Variants in IYD observed in about 807,000 individuals in gnomAD.
IYD encodes iodotyrosine deiodinase 1.
Under a neutral mutation model 28.4 loss-of-function variants are expected in IYD, and 25 were observed. The observed-to-expected ratio is 0.88, with a 90% CI of 0.64 to 1.23. The LOEUF is 1.23. IYD is among the 50% of genes most tolerant of loss of function. The pLI, the probability that IYD is intolerant of heterozygous loss-of-function variation, is 0.00. For synonymous variants in IYD, 140 were observed against 130.8 expected (o/e 1.07, Z -0.48); for missense variants, 352 against 357.9 (o/e 0.98, Z 0.13).
intron 3 of IYD, 118 bp from the exon 4 acceptor site, chr6:150,393,981 A>C: frequency 9.3e-7 from 1 of 1,073,054 alleles, no homozygotes; most frequent in South Asian, 1.5e-5. Context: ...GCAGCTTTTC[A>C]ATTTAAATAT....
At chr6:150,372,543 T>TGA (rs1777297981) in intron 1 of IYD, among the ~76,000 whole-genome samples, 1 of 30,256 alleles carries the variant, frequency 3.3e-5, no homozygotes, top group African/African-American at 3.4e-4. Context: ...TCATGTTGTG[T>TGA]CCATGCTTAT....
At position 150,398,477 on chromosome 6, in the gene IYD, G is replaced by C. The variant is rs2076284; in HGVS notation, c.*240G>C. 4.0e-6 allele frequency: 2 copies of C among 503,342 alleles called. No homozygotes were observed. Among genetic ancestry groups the C allele is most frequent in the East Asian group, 3.2e-5 (1 of 31,432 alleles). The allele number at this position is 503,342 out of a possible 1,614,324, so 31.2% of individuals were successfully genotyped here. A position where few individuals can be genotyped will look rare whatever the true frequency, so the allele number is the denominator to read the frequency against. On this transcript the variant is annotated 3_prime_UTR_variant, in exon 5 of 5. Transcript: ENST00000344419. ...TGAACACTTTACAAAGAACATGCCC[G>C]GGTTTTTACATTTTAAAAGTTATTC...
chr6:150,404,544 G>C lies in IYD; in HGVS notation c.*6307G>C, dbSNP rs1778596268. The C allele has an allele frequency of 6.6e-6, 1 of 152,150 alleles. No homozygotes were observed. The highest frequency in any genetic ancestry group is 2.1e-4 in the South Asian group (1 of 4,834). 9.4% of individuals were successfully genotyped at this position (152,150 alleles called of 1,614,324 possible). A position where few individuals can be genotyped will look rare whatever the true frequency, so the allele number is the denominator to read the frequency against. Reference sequence around the variant, plus strand: ...TCTTGTCATATCAATGATTTGAAGTGCTAAAATAGAAAATTAAATATGATA... The same window carrying C: ...TCTTGTCATATCAATGATTTGAAGTCCTAAAATAGAAAATTAAATATGATA... On this transcript the variant is annotated 3_prime_UTR_variant, in exon 5 of 5. Coordinates refer to ENST00000344419, the MANE Select transcript of IYD (RefSeq NM_203395.3).
intron 4 of IYD, chr6:150,396,610 C>T (rs898884049): frequency 1.4e-5 from 8 of 562,446 alleles, no homozygotes; most frequent in African/African-American, 1.2e-4. Context: ...TGCGGTGGCT[C>T]ACGCCTCTAA....
chr6:150,383,815 CAAA>C (rs1173122063), intron 1 of IYD, among the ~76,000 whole-genome samples: 2 of 36,084 alleles, frequency 5.5e-5, no homozygotes, highest in African/African-American at 1.9e-4. Context: ...AAAACAAAAA[CAAA>C]AACAAAAAAA....
intron 2 of IYD, among the ~76,000 whole-genome samples, chr6:150,390,365 C>T (rs9384476): frequency 0.17 from 25,520 of 152,092 alleles, 4,436 homozygotes; most frequent in African/African-American, 0.43. Flanking sequence ...TATATGTATA[C>T]GTACACATAT....
intron 1 of IYD, among the ~76,000 whole-genome samples, chr6:150,372,490 T>A (rs370348679): frequency 1.8e-4 from 5 of 28,276 alleles, no homozygotes; most frequent in Non-Finnish European, 2.1e-4. Context: ...TCCATGCTTA[T>A]TAGACATGTG....
At position 150,388,632 on chromosome 6, in the gene IYD, T is replaced by TTTCTTTC. The variant is rs1205806070; in HGVS notation, c.179-717_179-711dup. On this transcript the variant is annotated intron_variant, in intron 1 of 4. Transcript: ENST00000344419. ...TAGATTTATAGTCTGGAGTTTTTGC[T>TTTCTTTC]TTCTTTCTTTCTTTCTTTCTTTCTT... Among the ~76,000 whole-genome samples, 428 of 45,568 alleles carry TTTCTTTC rather than the reference T, an allele frequency of 9.4e-3. 1 individual carries two copies. The highest frequency in any genetic ancestry group is 0.021 in the African/African-American group (414 of 19,562). 29.9% of individuals were successfully genotyped at this position (45,568 alleles called of 152,430 possible).
At chr6:150,375,180 G>C (rs987481250) in intron 1 of IYD, among the ~76,000 whole-genome samples, 1 of 152,168 alleles carries the variant, frequency 6.6e-6, no homozygotes, top group Non-Finnish European at 1.5e-5. Flanking sequence ...TTGCAACAGA[G>C]AAAGAGGTTT....
chr6:150,387,520 C>T (rs1253882179), intron 1 of IYD, among the ~76,000 whole-genome samples: 1 of 150,804 alleles, frequency 6.6e-6, no homozygotes, highest in Admixed American at 6.6e-5. Flanking sequence ...CAGATGCTAT[C>T]TTTTCAAATA....
intron 1 of IYD, among the ~76,000 whole-genome samples, chr6:150,382,172 T>C (rs1489693419): frequency 6.6e-6 from 1 of 152,120 alleles, no homozygotes; most frequent in Non-Finnish European, 1.5e-5. Context: ...ATCTAATGAC[T>C]GATTGCAGTG....
chr6:150,396,288 G>C, intron 4 of IYD: 1 of 417,622 alleles, frequency 2.4e-6, no homozygotes, highest in Non-Finnish European at 4.2e-6. Context: ...CAAGTTCATG[G>C]ACCTGCTAAA....
intron 3 of IYD, 26 bp from the exon 4 acceptor site, chr6:150,394,073 A>G: frequency 1.9e-6 from 3 of 1,612,166 alleles, no homozygotes; most frequent in Non-Finnish European, 2.5e-6. Context: ...GGCAAATATT[A>G]TCCTGAATCT....
At chr6:150,397,050 C>T (rs7762616) in intron 4 of IYD, among the ~76,000 whole-genome samples, 25,991 of 151,802 alleles carry the variant, frequency 0.17, 4,524 homozygotes, top group African/African-American at 0.43. Flanking sequence ...GTGAAATCTT[C>T]GTTAATCAAG....
rs149221869 is a variant in IYD, at chr6:150,388,230, C to A, written c.179-1122C>A. ...AATAATTTACTTATGATTGACACTT[C>A]CCCTAAGGATGTAGTTTTGGGGTCC... On this transcript the variant is annotated intron_variant, in intron 1 of 4. Transcript: ENST00000344419. Among the ~76,000 whole-genome samples, 746 of 152,284 alleles carry A rather than the reference C, an allele frequency of 4.9e-3. 1 individual carries two copies. The highest frequency in any genetic ancestry group is 8.4e-3 in the Non-Finnish European group (573 of 68,022).
intron 4 of IYD, chr6:150,396,617 C>G (rs966489621): frequency 1.9e-4 from 97 of 518,594 alleles, no homozygotes; most frequent in East Asian, 5.6e-4. Flanking sequence ...GCTCACGCCT[C>G]TAATCCCAGC....
At chr6:150,379,248 G>A (rs1050501215) in intron 1 of IYD, among the ~76,000 whole-genome samples, 3 of 152,064 alleles carry the variant, frequency 2.0e-5, no homozygotes, top group South Asian at 2.1e-4. Flanking sequence ...CCAGTCTTTC[G>A]ATTTCTATTT....
intron 1 of IYD, among the ~76,000 whole-genome samples, chr6:150,373,777 C>T (rs566749780): frequency 8.5e-5 from 13 of 152,298 alleles, no homozygotes; most frequent in South Asian, 2.1e-4. Flanking sequence ...CTCAGAGAGT[C>T]GAGCTTGATC....
In IYD at chr6:150,404,867, G is replaced by A. The variant is rs935663853; in HGVS notation, c.*6630G>A. ...CCTCCTAGTGAGAAGTCTGGAGGTA[G>A]ATATTAGATGCTGGTCTATTGCTTC... is the stretch of plus-strand genomic sequence containing the variant. On this transcript the variant is annotated 3_prime_UTR_variant, in exon 5 of 5. Transcript: ENST00000344419. The A allele has an allele frequency of 1.3e-5, 2 of 152,188 alleles. No individual in the cohort carries two copies. Among genetic ancestry groups the A allele is most frequent in the African/African-American group, 4.8e-5 (2 of 41,440 alleles). The allele number at this position is 152,188 out of a possible 1,614,324, so 9.4% of individuals were successfully genotyped here.
Sources: allele counts gnomAD v4.1 joint callset (sites outside exome capture counted in the v4.1 genomes callset), GRCh38; gene constraint gnomAD v4.1.1; transcripts MANE v1.5; gene names NCBI Gene and HGNC (gene_info 2026-07-23, HGNC 2026-07-21).